LIF: variants seen among roughly 807,000 people sequenced by gnomAD.
LIF encodes leukemia inhibitory factor.
A neutral mutation model predicts 15.0 loss-of-function variants in LIF; 9 were observed. The ratio of observed to expected loss-of-function variants is 0.60; its 90% confidence interval spans 0.36 to 1.04. The LOEUF (loss-of-function observed/expected upper bound fraction) is 1.04. Among genes scored for constraint, LIF ranks in the 50% least tolerant of loss-of-function variants. The probability of loss-of-function intolerance (pLI) is 0.01; values close to 1 mark genes in which losing one functional copy is unlikely to be tolerated. For synonymous variants in LIF, 122 were observed against 119.7 expected, an observed-to-expected ratio of 1.02 and a Z score of -0.13; for missense variants, 240 against 266.7, an observed-to-expected ratio of 0.90 and a Z score of 0.70.
In LIF at chr22:30,243,556, C is replaced by T. The variant is rs906043701; in HGVS notation, c.*95G>A. 30 of 1,533,564 alleles carry T rather than the reference C, an allele frequency of 2.0e-5. No individual in the cohort carries two copies. The highest frequency in any genetic ancestry group is 5.0e-5 in the Admixed American group (3 of 59,750). The allele number at this position is 1,533,564 out of a possible 1,614,324, so 95.0% of individuals were successfully genotyped here. ...GCCAGCAGCCCCCATTTGGGTTTAG[C>T]GATGCCCTGGGCCCCAGCCACCCTT... On this transcript the variant is annotated 3_prime_UTR_variant, in exon 3 of 3. Transcript: ENST00000249075. This position sits in a 1 kb window ranked among gnomAD's most constrained non-coding sequence, Gnocchi z 6.0.
Position 30,242,256 on chromosome 22 carries a change from G to C in LIF, c.*1395C>G, listed in dbSNP as rs977382978. The C allele has an allele frequency of 6.6e-6, 1 of 152,640 alleles. No homozygotes were observed. Among genetic ancestry groups the C allele is most frequent in the African/African-American group, 2.4e-5 (1 of 41,334 alleles). The allele number at this position is 152,640 out of a possible 1,614,324, so 9.5% of individuals were successfully genotyped here. On this transcript the variant is annotated 3_prime_UTR_variant, in exon 3 of 3. Transcript: ENST00000249075. ...CTGGAATCAAGACAGAAAGGCACCC[G>C]GCCTCTCCACAAATTGGCCCAGCCC...
At chr22:30,245,424 CCCATGGGGGCCACGGGG>C (rs1423502828) in intron 1 of LIF, among the ~76,000 whole-genome samples, 2 of 152,196 alleles carry the variant, frequency 1.3e-5, no homozygotes, top group Non-Finnish European at 2.9e-5. Flanking sequence ...AAGCCAGGCA[CCCATGGGGGCCACGGGG>C]CATGGGGGAG....
chr22:30,244,098 G>A, intron 2 of LIF, 37 bp from the exon 3 acceptor site: 1 of 1,573,846 alleles, frequency 6.4e-7, no homozygotes, highest in East Asian at 2.3e-5. Context: ...GGAGTCAGGG[G>A]TCAGTGTCCC....
At chr22:30,244,716 T>C (rs1177741118) in intron 2 of LIF, 39 bp downstream of exon 2, 4 of 1,584,182 alleles carry the variant, frequency 2.5e-6, no homozygotes, top group Non-Finnish European at 3.5e-6. Context: ...ACAAGCCCCC[T>C]CCCTGCCATC....
At chr22:30,245,298 C>T (rs1288842552) in intron 1 of LIF, among the ~76,000 whole-genome samples, 1 of 152,178 alleles carries the variant, frequency 6.6e-6, no homozygotes, top group East Asian at 1.9e-4. Context: ...AGGCACCAGG[C>T]CCCAGGCCCA....
chr22:30,246,521 C>T, intron 1 of LIF, 156 bp downstream of exon 1: 1 of 1,298,470 alleles, frequency 7.7e-7, no homozygotes, highest in Non-Finnish European at 9.8e-7. Flanking sequence ...GCGCTCGCTC[C>T]GGGCCGCCAC....
Position 30,244,941 on chromosome 22 carries a change from C to T in LIF, c.20-8G>A, listed in dbSNP as rs777778914. The T allele has an allele frequency of 1.9e-6, 3 of 1,613,850 alleles. No individual in the cohort carries two copies. The highest frequency in any genetic ancestry group is 2.5e-6 in the Non-Finnish European group (3 of 1,179,838). ...ACAGCAGGGGCACAACTCCTGGGGA[C>T]AGTCAGGAAGAAGCCATGAGTAGAA... is the stretch of plus-strand genomic sequence containing the variant. On this transcript the variant is annotated splice_polypyrimidine_tract_variant and splice_region_variant and intron_variant, in intron 1 of 2. Transcript: ENST00000249075.
intron 1 of LIF, chr22:30,246,407 G>A (rs1928894365): frequency 1.9e-6 from 2 of 1,072,524 alleles, no homozygotes; most frequent in Non-Finnish European, 2.3e-6. Flanking sequence ...GGAGGAGGAG[G>A]AGGAGAAGGA....
chr22:30,244,194 T>C, intron 2 of LIF, 133 bp from the exon 3 acceptor site: 1 of 827,462 alleles, frequency 1.2e-6, no homozygotes, highest in Non-Finnish European at 1.8e-6. Context: ...CCTGTAAGCA[T>C]CTGGAATTGT....
In LIF at chr22:30,241,839, G is replaced by T. The variant is rs1478682733; in HGVS notation, c.*1812C>A. The T allele has an allele frequency of 6.6e-6, 1 of 152,418 alleles. No individual in the cohort carries two copies. Among genetic ancestry groups the T allele is most frequent in the Non-Finnish European group, 1.5e-5 (1 of 68,110 alleles). The allele number at this position is 152,418 out of a possible 1,614,324, so 9.4% of individuals were successfully genotyped here. ...TGCCTGGGAGCCCAGACATGGGTGG[G>T]AGTGGGATGGGGGTGGAGCAGGAGG... On this transcript the variant is annotated 3_prime_UTR_variant, in exon 3 of 3. Transcript: ENST00000249075. The surrounding 1 kb of genome is among the most constrained non-coding windows in gnomAD (Gnocchi z 4.4).
At position 30,240,695 on chromosome 22, in the gene LIF, G is replaced by C. The variant is rs1477402492; in HGVS notation, c.*2956C>G. 6.6e-6 allele frequency: 1 copy of C among 152,632 alleles called. No homozygotes were observed. Among genetic ancestry groups the C allele is most frequent in the Non-Finnish European group, 1.5e-5 (1 of 68,052 alleles). 9.5% of individuals were successfully genotyped at this position (152,632 alleles called of 1,614,324 possible). Reference sequence around the variant, plus strand: ...GGTGGGCCCACGGAGCTAGCACGTGGGCGGGACTGAAGGCTGGATGCCGGG... The same window carrying C: ...GGTGGGCCCACGGAGCTAGCACGTGCGCGGGACTGAAGGCTGGATGCCGGG... On this transcript the variant is annotated 3_prime_UTR_variant, in exon 3 of 3. Transcript: ENST00000249075.
intron 1 of LIF, 81 bp downstream of exon 1, chr22:30,246,596 G>A (rs1006203450): frequency 3.3e-6 from 5 of 1,512,444 alleles, no homozygotes; most frequent in African/African-American, 1.4e-5. Flanking sequence ...GTGGGCGTCC[G>A]GCTCGCGCTG....
Position 30,244,783 on chromosome 22 carries a change from C to A in LIF, c.170G>T (p.Gly57Val). The A allele has an allele frequency of 4.3e-6, 7 of 1,614,182 alleles. No homozygotes were observed. Among genetic ancestry groups the A allele is most frequent in the Non-Finnish European group, 5.9e-6 (7 of 1,180,024 alleles). The change falls in exon 2 of 3, where the codon GGC becomes GTC. Residue 57 changes from glycine to valine, a missense_variant. Coordinates refer to ENST00000249075, the MANE Select transcript of LIF (RefSeq NM_002309.5). ...GAGAATAAAGAGGGCATTGGCACTG[C>A]CATTGAGCTGTGCCAGTTGGCTCCT... Reference protein sequence around the residue: ...QIRSQLAQLNGSANALFILYY... With the variant: ...QIRSQLAQLNVSANALFILYY...
chr22:30,246,453 G>GC, intron 1 of LIF: 1 of 1,211,004 alleles, frequency 8.3e-7, no homozygotes, highest in Non-Finnish European at 1.0e-6. Flanking sequence ...AAGGCTCGGC[G>GC]CCCCCTCCCT....
intron 1 of LIF, 190 bp downstream of exon 1, chr22:30,246,487 T>G: frequency 1.6e-6 from 2 of 1,230,626 alleles, no homozygotes; most frequent in South Asian, 6.7e-5. Flanking sequence ...CCGCGGGGCG[T>G]GCGGTGCTTG....
In LIF at chr22:30,243,360, G is replaced by A; in HGVS notation, c.*291C>T. On this transcript the variant is annotated 3_prime_UTR_variant, in exon 3 of 3. Transcript: ENST00000249075. This position sits in a 1 kb window ranked among gnomAD's most constrained non-coding sequence, Gnocchi z 6.0. ...TGTTCACTGCACAAAGTGAGCAAGG[G>A]GCCAAAGGGACAAGTAGAGGCAGAA... The A allele has an allele frequency of 3.8e-6, 2 of 522,864 alleles. No individual in the cohort carries two copies. Among genetic ancestry groups the A allele is most frequent in the South Asian group, 2.0e-5 (1 of 49,288 alleles). 32.4% of individuals were successfully genotyped at this position (522,864 alleles called of 1,614,324 possible). A position where few individuals can be genotyped will look rare whatever the true frequency, so the allele number is the denominator to read the frequency against.
intron 1 of LIF, among the ~76,000 whole-genome samples, chr22:30,245,537 G>T (rs1404913359): frequency 1.3e-5 from 2 of 151,004 alleles, no homozygotes; most frequent in Admixed American, 6.6e-5. Context: ...CCCCAATTCT[G>T]CCCCCGCCCC....
Position 30,244,030 on chromosome 22 carries a change from T to A in LIF, c.230A>T (p.Asn77Ile). The A allele has an allele frequency of 6.2e-7, 1 of 1,611,458 alleles. No individual in the cohort carries two copies. The highest frequency in any genetic ancestry group is 8.5e-7 in the Non-Finnish European group (1 of 1,179,462). The change falls in exon 3 of 3, where the codon AAC (asparagine) becomes ATC (isoleucine). Residue 77 changes from asparagine (N) to isoleucine (I), a missense_variant. Coordinates refer to ENST00000249075, the MANE Select transcript of LIF (RefSeq NM_002309.5). ...GTTGGGGCCACATAGCTTGTCCAGG[T>A]TGTTGGGGAACGGCTCCCCCTGGGC... is the stretch of plus-strand genomic sequence containing the variant. ...YTAQGEPFPN[N>I]LDKLCGPNVT...
At position 30,240,928 on chromosome 22, in the gene LIF, A is replaced by G. The variant is rs1169628955; in HGVS notation, c.*2723T>C. 6.6e-6 allele frequency: 1 copy of G among 152,276 alleles called. No individual in the cohort carries two copies. Among genetic ancestry groups the G allele is most frequent in the Admixed American group, 6.5e-5 (1 of 15,288 alleles). The allele number at this position is 152,276 out of a possible 1,614,324, so 9.4% of individuals were successfully genotyped here. A position where few individuals can be genotyped will look rare whatever the true frequency, so the allele number is the denominator to read the frequency against. On this transcript the variant is annotated 3_prime_UTR_variant, in exon 3 of 3. Coordinates refer to ENST00000249075, the MANE Select transcript of LIF (RefSeq NM_002309.5). ...ACGATGGGGACGATGGGGAGGAGAG[A>G]CAAGTAAACTAGCAGTGCTTTTTAA... is the stretch of plus-strand genomic sequence containing the variant.
Sources: gnomAD v4.1 joint callset for allele counts (sites outside exome capture counted in the v4.1 genomes callset) on GRCh38, gnomAD v4.1.1 for gene constraint, Gnocchi (gnomAD v3.1) non-coding constraint, MANE v1.5 for transcripts, NCBI Gene and HGNC (gene_info 2026-07-23, HGNC 2026-07-21) for gene names.